BRD7: variants seen among roughly 807,000 people sequenced by gnomAD.
The protein encoded by BRD7 is bromodomain containing 7.
In BRD7, 15 loss-of-function variants were observed where a neutral mutation model predicts 82.1. That is an observed-to-expected ratio of 0.18 (90% confidence interval 0.12 to 0.28). BRD7 has a LOEUF of 0.28. Among genes scored for constraint, BRD7 ranks in the 10% least tolerant of loss-of-function variants. The pLI is 1.00. For missense variants in BRD7, 638 were observed against 779.9 expected (o/e 0.82, Z 2.17); for synonymous variants, 232 against 266.9 (o/e 0.87, Z 1.27).
chr16:50,325,925 G>T, intron 10 of BRD7, 42 bp from the exon 11 acceptor site: 1 of 1,524,374 alleles, frequency 6.6e-7, no homozygotes, highest in Non-Finnish European at 8.8e-7. Context: ...TCTTTAACTT[G>T]CATGTCAATC....
At position 50,319,952 on chromosome 16, in the gene BRD7, C is replaced by T. The variant is rs1463206789; in HGVS notation, c.1835G>A (p.Arg612Gln). The part of the protein sequence containing the change: ...PGDIVSTYGV[R>Q]KAMGISIPSP... ...AGGAATGGAAATCCCCATTGCTTTTCGAACTCCATACGTGCTTACGATATC... is the reference window on the plus strand; with the variant it reads ...AGGAATGGAAATCCCCATTGCTTTTTGAACTCCATACGTGCTTACGATATC... The change falls in exon 16 of 17, where the codon CGA becomes CAA. Residue 612 changes from arginine (R) to glutamine (Q), a missense_variant. Arg to Gln is a conservative substitution (Grantham distance 43). Transcript: ENST00000394688. The T allele has an allele frequency of 5.6e-6, 9 of 1,612,894 alleles. No individual in the cohort carries two copies. Among genetic ancestry groups the T allele is most frequent in the Admixed American group, 3.3e-5 (2 of 60,002 alleles).
At chr16:50,341,828 A>C (rs2038068197) in intron 5 of BRD7, among the ~76,000 whole-genome samples, 2 of 151,752 alleles carry the variant, frequency 1.3e-5, no homozygotes, top group South Asian at 2.1e-4. Context: ...TATTAAGCCA[A>C]TTTGTAGATT....
intron 8 of BRD7, 84 bp downstream of exon 8, chr16:50,333,490 A>C: frequency 1.3e-6 from 2 of 1,547,308 alleles, no homozygotes; most frequent in Non-Finnish European, 8.8e-7. Flanking sequence ...ATATGGATTA[A>C]AAATACGCAA....
chr16:50,333,098 C>T (rs770441571), intron 8 of BRD7, among the ~76,000 whole-genome samples: 2 of 152,082 alleles, frequency 1.3e-5, no homozygotes, highest in Non-Finnish European at 2.9e-5. Context: ...AATATACCCA[C>T]GTAACAAAAT....
rs183437440 is a variant in BRD7 at position 50,348,702 on chromosome 16, A to G, written c.591+1321T>C. Reference sequence around the variant, plus strand: ...CGGAGAAATGCAAATCAAAACCACAATGAGATACCATCTCACACCAGTTAG... The same window carrying G: ...CGGAGAAATGCAAATCAAAACCACAGTGAGATACCATCTCACACCAGTTAG... On this transcript the variant is annotated intron_variant, in intron 5 of 16. Transcript: ENST00000394688. Among the ~76,000 whole-genome samples, 125 of 152,342 alleles carry G rather than the reference A, an allele frequency of 8.2e-4. 2 individuals carry two copies. Among genetic ancestry groups the G allele is most frequent in the Non-Finnish European group, 8.8e-5 (6 of 68,034 alleles).
chr16:50,328,989 A>T (rs545803337), intron 8 of BRD7, among the ~76,000 whole-genome samples: 1 of 152,336 alleles, frequency 6.6e-6, no homozygotes, highest in Non-Finnish European at 1.5e-5. Context: ...TGCACCCGTC[A>T]CATGAGGTCA....
At chr16:50,332,577 T>C (rs1380712384) in intron 8 of BRD7, among the ~76,000 whole-genome samples, 1 of 152,178 alleles carries the variant, frequency 6.6e-6, no homozygotes. Context: ...GGAAAGCAGT[T>C]TGGAGATTTC....
chr16:50,330,294 C>G (rs1381336799), intron 8 of BRD7, among the ~76,000 whole-genome samples: 2 of 151,504 alleles, frequency 1.3e-5, no homozygotes, highest in Admixed American at 1.3e-4. Flanking sequence ...CCTCTTGAAA[C>G]CAGTAATCTA....
intron 5 of BRD7, among the ~76,000 whole-genome samples, chr16:50,348,644 G>T (rs1204151466): frequency 6.6e-6 from 1 of 150,954 alleles, no homozygotes; most frequent in Non-Finnish European, 1.5e-5. Flanking sequence ...TCATGCAGAA[G>T]ACACGTGAAA....
At chr16:50,340,381 C>T (rs1320490130) in intron 5 of BRD7, among the ~76,000 whole-genome samples, 2 of 152,066 alleles carry the variant, frequency 1.3e-5, no homozygotes, top group East Asian at 3.8e-4. Context: ...TCAGTATAAT[C>T]TTACTGCACA....
chr16:50,341,572 C>T (rs370470035), intron 5 of BRD7, among the ~76,000 whole-genome samples: 6 of 144,932 alleles, frequency 4.1e-5, no homozygotes, highest in Admixed American at 2.2e-4. Context: ...GAACCCTGAA[C>T]GTGGAGGTTG....
intron 2 of BRD7, among the ~76,000 whole-genome samples, chr16:50,358,733 C>G (rs939042183): frequency 6.6e-5 from 10 of 152,144 alleles, no homozygotes; most frequent in Non-Finnish European, 1.3e-4. Context: ...TTATCCTGGT[C>G]TACCGTAACC....
intron 1 of BRD7, 132 bp downstream of exon 1, chr16:50,368,594 C>T (rs2039247765): frequency 2.0e-6 from 2 of 976,872 alleles, no homozygotes; most frequent in South Asian, 2.2e-5. Flanking sequence ...TCCGGCAGGA[C>T]GCGCCCCCTT....
rs536649902 is a variant in BRD7 at position 50,325,785 on chromosome 16, T to C, written c.1294A>G (p.Thr432Ala). Residue 432 changes from threonine to alanine, a missense_variant, in exon 11 of 17, where the codon ACC becomes GCC. Coordinates refer to ENST00000394688, the MANE Select transcript of BRD7 (RefSeq NM_013263.5). ...GGAAGATCAGAGTCTTCCCCATAGG[T>C]TGAATAGATTAAATCAGAATCATCC... ...SKDDSDLIYS[T>A]YGEDSDLPSD... 1.9e-6 allele frequency: 3 copies of C among 1,609,814 alleles called. No individual in the cohort carries two copies. In the African/African-American group the frequency reaches 4.0e-5, roughly 21 times the overall value.
At chr16:50,328,852 C>T (rs2151145874) in intron 8 of BRD7, 108 bp from the exon 9 acceptor site, 1 of 980,472 alleles carries the variant, frequency 1.0e-6, no homozygotes, top group African/African-American at 1.6e-5. Context: ...TGCAGATTTT[C>T]CCAGATTTTG....
At chr16:50,357,155 G>A (rs1281195661) in intron 2 of BRD7, among the ~76,000 whole-genome samples, 11 of 152,204 alleles carry the variant, frequency 7.2e-5, no homozygotes, top group Non-Finnish European at 1.6e-4. Flanking sequence ...GCTGGGCCTT[G>A]TCCCTAGAAT....
chr16:50,318,359 T>C lies in BRD7; in HGVS notation c.*852A>G, dbSNP rs80244110. ...CCTGCCTGGGTGATTTATAGAAGGA[T>C]TGTATAAGGGCCTTCAAACTTAATT... On this transcript the variant is annotated 3_prime_UTR_variant, in exon 17 of 17. Coordinates refer to ENST00000394688, the MANE Select transcript of BRD7 (RefSeq NM_013263.5). 11 of 152,284 alleles carry C rather than the reference T, an allele frequency of 7.2e-5. No individual in the cohort carries two copies. The East Asian group carries it at 2.1e-3, about 29-fold the overall frequency. The allele number at this position is 152,284 out of a possible 1,614,324, so 9.4% of individuals were successfully genotyped here.
chr16:50,337,094 T>C (rs538034053), intron 6 of BRD7, among the ~76,000 whole-genome samples: 1 of 152,252 alleles, frequency 6.6e-6, no homozygotes, highest in East Asian at 1.9e-4. Context: ...GTCACACAGC[T>C]TCCAAAGGGT....
intron 1 of BRD7, 106 bp from the exon 2 acceptor site, chr16:50,368,404 C>T (rs2039235443): frequency 8.1e-7 from 1 of 1,228,466 alleles, no homozygotes; most frequent in Admixed American, 2.7e-5. Context: ...CCCGAGGCGG[C>T]TTTGGGCGCT....
Sources: allele counts gnomAD v4.1 joint callset (sites outside exome capture counted in the v4.1 genomes callset), GRCh38; gene constraint gnomAD v4.1.1; transcripts MANE v1.5; gene names NCBI Gene and HGNC (gene_info 2026-07-23, HGNC 2026-07-21).